The following TCF4 variants were observed in gnomAD, a reference collection of about 807,000 sequenced individuals.
TCF4 encodes the protein transcription factor 4, also known as SL3-3 enhancer factor 2.
Under a neutral mutation model 82.1 loss-of-function variants are expected in TCF4, and 3 were observed. The observed-to-expected ratio is 0.04, with a 90% CI of 0.02 to 0.09. The LOEUF (loss-of-function observed/expected upper bound fraction) is 0.09. Among genes scored for constraint, TCF4 ranks in the 10% least tolerant of loss-of-function variants. The probability of loss-of-function intolerance (pLI) is 1.00; values close to 1 mark genes in which losing one functional copy is unlikely to be tolerated. For synonymous variants in TCF4, 276 were observed against 309.6 expected (o/e 0.89, Z 1.14); for missense variants, 518 against 852.7 (o/e 0.61, Z 4.89).
intron 17 of TCF4, chr18:55,232,248 G>A: frequency 2.3e-6 from 1 of 442,704 alleles, no homozygotes; most frequent in Non-Finnish European, 4.1e-6. Context: ...CAAATAAACT[G>A]TACTTGAATC....
chr18:55,588,337 G>A (rs959381712), upstream of TCF4: 6 of 1,482,640 alleles, frequency 4.0e-6, no homozygotes, highest in African/African-American at 1.4e-5. Context: ...GGGCTCCGGC[G>A]GGGAGACGCG....
chr18:55,333,273 G>A (rs1178199973), intron 8 of TCF4, among the ~76,000 whole-genome samples: 1 of 151,994 alleles, frequency 6.6e-6, no homozygotes, highest in Non-Finnish European at 1.5e-5. Flanking sequence ...AATCTTAAAT[G>A]TGCTATACAG....
chr18:55,625,019 A>G (rs763122184), intron 2 of TCF4, among the ~76,000 whole-genome samples: 1 of 152,156 alleles, frequency 6.6e-6, no homozygotes, highest in Non-Finnish European at 1.5e-5. Flanking sequence ...TGTTTCTAGA[A>G]ATTATGACCA....
intron 8 of TCF4, chr18:55,322,000 C>G: frequency 8.2e-7 from 1 of 1,214,124 alleles, no homozygotes. Flanking sequence ...TACGCGAGAT[C>G]GATTCAACTT....
chr18:55,556,326 A>T (rs2097304211), intron 3 of TCF4, among the ~76,000 whole-genome samples: 1 of 152,218 alleles, frequency 6.6e-6, no homozygotes, highest in Non-Finnish European at 1.5e-5. Context: ...ATATTTGATG[A>T]GACTAGATCA....
chr18:55,356,119 G>T (rs1229251702), intron 6 of TCF4, among the ~76,000 whole-genome samples: 1 of 152,082 alleles, frequency 6.6e-6, no homozygotes, highest in African/African-American at 2.4e-5. Context: ...CAGAGCCAGG[G>T]TCCAGCACAG....
At chr18:55,545,091 A>G (rs1391013398) in intron 3 of TCF4, among the ~76,000 whole-genome samples, 1 of 152,230 alleles carries the variant, frequency 6.6e-6, no homozygotes, top group Non-Finnish European at 1.5e-5. Flanking sequence ...AGCCAAATAA[A>G]AACTCTAGGA....
chr18:55,300,835 G>A (rs2068021587), intron 8 of TCF4, among the ~76,000 whole-genome samples: 1 of 152,058 alleles, frequency 6.6e-6, no homozygotes, highest in Non-Finnish European at 1.5e-5. Context: ...ACAAGTGTAT[G>A]TGGCTCCAGT....
At chr18:55,438,225 T>C (rs2095369560) in intron 5 of TCF4, among the ~76,000 whole-genome samples, 1 of 142,202 alleles carries the variant, frequency 7.0e-6, no homozygotes, top group Non-Finnish European at 1.5e-5. Context: ...AAAAAGTAAA[T>C]GTAGGCTAAG....
At chr18:55,376,018 CTTTTTTTT>C (rs772990901) in intron 6 of TCF4, among the ~76,000 whole-genome samples, 2 of 122,762 alleles carry the variant, frequency 1.6e-5, no homozygotes, top group Non-Finnish European at 3.4e-5. Flanking sequence ...TTTTCTTCTC[CTTTTTTTT>C]TTTTTTTTTT....
At chr18:55,537,889 G>A (rs888510351) in intron 3 of TCF4, among the ~76,000 whole-genome samples, 3 of 152,210 alleles carry the variant, frequency 2.0e-5, no homozygotes, top group East Asian at 1.9e-4. Flanking sequence ...CACCCAGGAA[G>A]GATAAATAGA....
chr18:55,590,251 C>G (rs1445590533), upstream of TCF4, among the ~76,000 whole-genome samples: 2 of 152,210 alleles, frequency 1.3e-5, no homozygotes, highest in Admixed American at 1.3e-4. Context: ...TGTGTGGAGC[C>G]AGATTTCTCA....
intron 3 of TCF4, among the ~76,000 whole-genome samples, chr18:55,572,070 C>T (rs1374554766): frequency 1.3e-5 from 2 of 152,256 alleles, no homozygotes; most frequent in Middle Eastern, 3.4e-3. Flanking sequence ...ACCAATTCAC[C>T]TGCAGTGGGC....
At chr18:55,299,146 C>T (rs903193953) in intron 8 of TCF4, among the ~76,000 whole-genome samples, 21 of 152,050 alleles carry the variant, frequency 1.4e-4, no homozygotes, top group Admixed American at 9.2e-4. Context: ...TGTGGTGGCT[C>T]ACGCCTATAA....
At chr18:55,327,790 T>C (rs1218340021) in intron 8 of TCF4, among the ~76,000 whole-genome samples, 2 of 152,156 alleles carry the variant, frequency 1.3e-5, no homozygotes, top group East Asian at 3.8e-4. Flanking sequence ...CATTTTGCTT[T>C]ATGTGGCATT....
intron 8 of TCF4, among the ~76,000 whole-genome samples, chr18:55,301,788 TAAAA>T (rs10652622): frequency 5.3e-5 from 3 of 56,314 alleles, no homozygotes; most frequent in South Asian, 1.4e-3. Context: ...CCAAAAACTG[TAAAA>T]AAAAAAAAAA....
chr18:55,489,156 C>G (rs1028667096), intron 3 of TCF4, among the ~76,000 whole-genome samples: 19 of 152,164 alleles, frequency 1.2e-4, no homozygotes, highest in Admixed American at 4.6e-4. Context: ...AGTACTGGGG[C>G]ATCAGTTAGA....
At chr18:55,455,721 A>G (rs1446179957) in intron 5 of TCF4, among the ~76,000 whole-genome samples, 2 of 152,232 alleles carry the variant, frequency 1.3e-5, no homozygotes, top group Non-Finnish European at 1.5e-5. Flanking sequence ...ACTTTCAAAC[A>G]TCAAATGATT....
chr18:55,468,886 C>CA (rs1568136618), intron 3 of TCF4, among the ~76,000 whole-genome samples: 5 of 122,604 alleles, frequency 4.1e-5, no homozygotes, highest in African/African-American at 1.2e-4. Flanking sequence ...TTCTCGCCCC[C>CA]CCCCCCCTTG....
Sources: allele counts gnomAD v4.1 joint callset (sites outside exome capture counted in the v4.1 genomes callset), GRCh38; gene constraint gnomAD v4.1.1; transcripts MANE v1.5; gene names NCBI Gene and HGNC (gene_info 2026-07-23, HGNC 2026-07-21).